The following SLC13A1 variants were observed in gnomAD, a reference collection of about 807,000 sequenced individuals.
SLC13A1 encodes solute carrier family 13 member 1, also known as Na(+)/sulfate cotransporter.
Under a neutral mutation model 70.0 loss-of-function variants are expected in SLC13A1, and 65 were observed. The observed-to-expected ratio is 0.93, with a 90% CI of 0.76 to 1.14. The LOEUF (loss-of-function observed/expected upper bound fraction) is 1.14. SLC13A1 is among the 50% of genes most tolerant of loss of function. The pLI, the probability that SLC13A1 is intolerant of heterozygous loss-of-function variation, is 0.00. For synonymous variants in SLC13A1, 275 were observed against 250.5 expected (o/e 1.10, Z -0.92); for missense variants, 726 against 717.8 (o/e 1.01, Z -0.13).
chr7:123,151,134 G>A lies in SLC13A1; in HGVS notation c.661-3824C>T, dbSNP rs571339466. On this transcript the variant is annotated intron_variant, in intron 6 of 14. Coordinates refer to ENST00000194130, the MANE Select transcript of SLC13A1 (RefSeq NM_022444.4). ...AGGTCAGGAATTCTAGACCAGCCTG[G>A]CCAACATGGTGAAACCCTGTCTCTA... Among the ~76,000 whole-genome samples the A allele has an allele frequency of 5.9e-5, 9 of 151,906 alleles. No homozygotes were observed. In the South Asian group the frequency reaches 1.9e-3, roughly 32 times the overall value.
At chr7:123,173,815 G>A (rs1268223904) in intron 2 of SLC13A1, among the ~76,000 whole-genome samples, 1 of 152,014 alleles carries the variant, frequency 6.6e-6, no homozygotes, top group African/African-American at 2.4e-5. Flanking sequence ...ATGAGGGAGA[G>A]AGGGACAATG....
chr7:123,135,191 GA>G (rs2089145527), intron 7 of SLC13A1, among the ~76,000 whole-genome samples: 1 of 152,126 alleles, frequency 6.6e-6, no homozygotes, highest in African/African-American at 2.4e-5. Context: ...AAGTTCTGAA[GA>G]AATCAACAAC....
chr7:123,169,480 G>T, intron 3 of SLC13A1, 145 bp from the exon 4 acceptor site: 1 of 701,038 alleles, frequency 1.4e-6, no homozygotes, highest in Non-Finnish European at 2.3e-6. Flanking sequence ...CTGCCCAGAT[G>T]ATGAAATTGG....
At chr7:123,166,791 C>T (rs1047311542) in intron 6 of SLC13A1, among the ~76,000 whole-genome samples, 2 of 152,146 alleles carry the variant, frequency 1.3e-5, no homozygotes, top group East Asian at 1.9e-4. Flanking sequence ...CAGTCTATCA[C>T]TGTTGGACAT....
chr7:123,163,643 T>C lies in SLC13A1; in HGVS notation c.660+4731A>G, dbSNP rs564630898. On this transcript the variant is annotated intron_variant, in intron 6 of 14. Coordinates refer to ENST00000194130, the MANE Select transcript of SLC13A1 (RefSeq NM_022444.4). ...TGATAAATTTTAGTTACAAAACATT[T>C]TTTTGTCTTTCTACCCAAAATGAAA... is the stretch of plus-strand genomic sequence containing the variant. Among the ~76,000 whole-genome samples the C allele has an allele frequency of 2.0e-5, 3 of 152,212 alleles. No individual in the cohort carries two copies. The East Asian group carries it at 5.8e-4, about 29-fold the overall frequency.
intron 6 of SLC13A1, among the ~76,000 whole-genome samples, chr7:123,156,465 A>C (rs767645024): frequency 1.3e-5 from 2 of 152,102 alleles, no homozygotes; most frequent in African/African-American, 4.8e-5. Context: ...ATGTTGGTAG[A>C]TGATGTAACT....
intron 11 of SLC13A1, 123 bp from the exon 12 acceptor site, chr7:123,123,358 G>A (rs1793451255): frequency 1.6e-6 from 1 of 626,832 alleles, no homozygotes. Flanking sequence ...TTTTAAAGAG[G>A]GGAATTAATC....
chr7:123,115,405 C>CTACA lies in SLC13A1; in HGVS notation c.*109_*112dup. 9.1e-7 allele frequency: 1 copy of CTACA among 1,096,834 alleles called. No individual in the cohort carries two copies. Among genetic ancestry groups the CTACA allele is most frequent in the Non-Finnish European group, 1.3e-6 (1 of 764,776 alleles). The allele number at this position is 1,096,834 out of a possible 1,614,324, so 67.9% of individuals were successfully genotyped here. A position where few individuals can be genotyped will look rare whatever the true frequency, so the allele number is the denominator to read the frequency against. ...CGGGTATTCACAGGAATTGCAGCAG[C>CTACA]TACACCATAACTGATTTAAATGTGT... On this transcript the variant is annotated 3_prime_UTR_variant, in exon 15 of 15. Coordinates refer to ENST00000194130, the MANE Select transcript of SLC13A1 (RefSeq NM_022444.4).
chr7:123,178,033 C>CTCTCTCTCTCTCTATA (rs761704605), intron 2 of SLC13A1, among the ~76,000 whole-genome samples: 4 of 149,958 alleles, frequency 2.7e-5, no homozygotes, highest in African/African-American at 9.8e-5. Flanking sequence ...CTCTCTCTCT[C>CTCTCTCTCTCTCTATA]TATATATATA....
chr7:123,159,667 C>T (rs765716765), intron 6 of SLC13A1, among the ~76,000 whole-genome samples: 19 of 151,964 alleles, frequency 1.3e-4, no homozygotes, highest in Non-Finnish European at 2.4e-4. Flanking sequence ...ACCACCCATA[C>T]AAGTGTGTGT....
chr7:123,126,085 A>G (rs1793549995), intron 10 of SLC13A1, among the ~76,000 whole-genome samples: 1 of 152,232 alleles, frequency 6.6e-6, no homozygotes, highest in African/African-American at 2.4e-5. Context: ...TAATTGATTT[A>G]TAACATCCTT....
chr7:123,124,207 T>C (rs541664750), intron 11 of SLC13A1, among the ~76,000 whole-genome samples: 1 of 152,234 alleles, frequency 6.6e-6, no homozygotes, highest in South Asian at 2.1e-4. Context: ...GGAGCAAGGC[T>C]CTTTCTAAGG....
chr7:123,168,463 T>A (rs1312079010), intron 5 of SLC13A1, 41 bp from the exon 6 acceptor site: 1 of 1,586,098 alleles, frequency 6.3e-7, no homozygotes, highest in East Asian at 2.3e-5. Flanking sequence ...TATTAAAATA[T>A]AATTTGGAAA....
intron 1 of SLC13A1, among the ~76,000 whole-genome samples, chr7:123,196,927 T>C (rs558585048): frequency 2.0e-5 from 3 of 152,300 alleles, no homozygotes; most frequent in South Asian, 4.1e-4. Flanking sequence ...CTAGAGCATG[T>C]AGATGGCCTT....
rs1218275818 is a variant in SLC13A1 at position 123,128,809 on chromosome 7, C to T, written c.1133+36G>A. The stretch of plus-strand genomic sequence containing the variant: ...CACAGGAGAGAAGCAGAGTATAAAA[C>T]AGGAAGGGCTGACAAACATAACGTG... On this transcript the variant is annotated intron_variant, in intron 10 of 14. Transcript: ENST00000194130. The T allele has an allele frequency of 5.1e-6, 7 of 1,385,006 alleles. No individual in the cohort carries two copies. The Admixed American group carries it at 5.1e-5, about 10-fold the overall frequency. The allele number at this position is 1,385,006 out of a possible 1,614,324, so 85.8% of individuals were successfully genotyped here. A position where few individuals can be genotyped will look rare whatever the true frequency, so the allele number is the denominator to read the frequency against.
At chr7:123,159,495 C>A (rs887622627) in intron 6 of SLC13A1, among the ~76,000 whole-genome samples, 6 of 152,184 alleles carry the variant, frequency 3.9e-5, no homozygotes, top group Non-Finnish European at 8.8e-5. Context: ...ACCCAGATAA[C>A]ACCTTGATCT....
intron 6 of SLC13A1, among the ~76,000 whole-genome samples, chr7:123,162,697 C>A (rs551080489): frequency 2.6e-5 from 4 of 152,102 alleles, no homozygotes; most frequent in African/African-American, 9.6e-5. Flanking sequence ...CCTTATTTGG[C>A]AGAACTAATA....
rs1257722845 is a variant in SLC13A1, at chr7:123,125,659, T to C, written c.1150A>G (p.Thr384Ala). 6.2e-7 allele frequency: 1 copy of C among 1,612,374 alleles called. No homozygotes were observed. The highest frequency in any genetic ancestry group is 8.5e-7 in the Non-Finnish European group (1 of 1,179,196). ...ATAAGTAAAGCAACAGTTGAATCTG[T>C]AGCAAAACCAGGGTACCTGTAAAAG... ...ALFSEYPGFA[T>A]DSTVALLIGL... The change falls in exon 11 of 15, where the codon ACA becomes GCA. Residue 384 changes from threonine (T) to alanine (A), a missense_variant. Physicochemically the swap from Thr to Ala is moderately conservative, Grantham distance 58 (BLOSUM62 0). Transcript: ENST00000194130.
intron 6 of SLC13A1, among the ~76,000 whole-genome samples, chr7:123,160,259 A>G (rs1794845018): frequency 6.7e-6 from 1 of 149,272 alleles, no homozygotes; most frequent in East Asian, 2.0e-4. Flanking sequence ...TGGCAGAGTG[A>G]GACTCAGTCT....
Sources: gnomAD v4.1 joint callset for allele counts (sites outside exome capture counted in the v4.1 genomes callset) on GRCh38, gnomAD v4.1.1 for gene constraint, MANE v1.5 for transcripts, NCBI Gene and HGNC (gene_info 2026-07-23, HGNC 2026-07-21) for gene names.